The following LY6K variants were observed in gnomAD, a reference collection of about 807,000 sequenced individuals.
LY6K encodes lymphocyte antigen 6K.
LY6K carries 9 observed loss-of-function variants against 10.4 expected under a neutral mutation model. That is an observed-to-expected ratio of 0.87 (90% CI 0.52 to 1.52). The LOEUF is 1.52. LY6K is among the 40% of genes most tolerant of loss of function. The pLI is 0.00. For missense variants in LY6K, 217 were observed against 211.7 expected, an observed-to-expected ratio of 1.02 and a Z score of -0.15; for synonymous variants, 98 against 83.7, an observed-to-expected ratio of 1.17 and a Z score of -0.94.
In LY6K at chr8:142,700,698, C is replaced by T. The variant is rs1054972793; in HGVS notation, c.103+68C>T. 56 of 1,346,672 alleles carry T rather than the reference C, an allele frequency of 4.2e-5. 1 individual carries two copies. The African/African-American group carries it at 6.8e-4, about 16-fold the overall frequency. 83.4% of individuals were successfully genotyped at this position (1,346,672 alleles called of 1,614,324 possible). ...GGGCCGGGCGGCGTCTGCCTGGCACCGCGTGGCCACCGCCCCGACCAGGCC... is the reference window on the plus strand; with the variant it reads ...GGGCCGGGCGGCGTCTGCCTGGCACTGCGTGGCCACCGCCCCGACCAGGCC... On this transcript the variant is annotated intron_variant, in intron 1 of 2. Coordinates refer to ENST00000292430, the MANE Select transcript of LY6K (RefSeq NM_017527.4).
chr8:142,701,819 A>G (rs587719618), intron 2 of LY6K, 106 bp downstream of exon 2: 4 of 678,322 alleles, frequency 5.9e-6, no homozygotes, highest in East Asian at 2.8e-5. Flanking sequence ...AATAGAAAGT[A>G]GCCTTTTTTT....
At position 142,700,472 on chromosome 8, in the gene LY6K, A is replaced by G; in HGVS notation, c.-56A>G. 3 of 1,527,478 alleles carry G rather than the reference A, an allele frequency of 2.0e-6. No homozygotes were observed. Among genetic ancestry groups the G allele is most frequent in the South Asian group, 1.2e-5 (1 of 82,162 alleles). 94.6% of individuals were successfully genotyped at this position (1,527,478 alleles called of 1,614,324 possible). A position where few individuals can be genotyped will look rare whatever the true frequency, so the allele number is the denominator to read the frequency against. On this transcript the variant is annotated 5_prime_UTR_variant, in exon 1 of 3. Coordinates refer to ENST00000292430, the MANE Select transcript of LY6K (RefSeq NM_017527.4). ...GGCGCGCGGAGGCTGCGAAGGTTCC[A>G]GAAGGGCGGGGAGGGGGCGCCGCGC...
In LY6K at chr8:142,700,700, C is replaced by G. The variant is rs1421307893; in HGVS notation, c.103+70C>G. On this transcript the variant is annotated intron_variant, in intron 1 of 2. Transcript: ENST00000292430. The stretch of plus-strand genomic sequence containing the variant: ...GCCGGGCGGCGTCTGCCTGGCACCG[C>G]GTGGCCACCGCCCCGACCAGGCCGT... The G allele has an allele frequency of 7.4e-6, 10 of 1,344,368 alleles. No homozygotes were observed. In the African/African-American group the frequency reaches 1.6e-4, roughly 21 times the overall value. 83.3% of individuals were successfully genotyped at this position (1,344,368 alleles called of 1,614,324 possible). A position where few individuals can be genotyped will look rare whatever the true frequency, so the allele number is the denominator to read the frequency against.
At chr8:142,702,743 G>C in intron 2 of LY6K, 1 of 1,486,674 alleles carries the variant, frequency 6.7e-7, no homozygotes, top group Middle Eastern at 1.8e-4. Flanking sequence ...CACACCCTGG[G>C]TGATGGCCAG....
Position 142,700,355 on chromosome 8 carries a change from T to G in LY6K, c.-173T>G. 1 of 1,326,458 alleles carries G rather than the reference T, an allele frequency of 7.5e-7. No homozygotes were observed. Among genetic ancestry groups the G allele is most frequent in the African/African-American group, 1.5e-5 (1 of 64,612 alleles). 82.2% of individuals were successfully genotyped at this position (1,326,458 alleles called of 1,614,324 possible). ...CGCCAGCGGCCGCGAGGCCCTGAGA[T>G]GAGGCTCCAAAGACCCCGACAGGCC... On this transcript the variant is annotated 5_prime_UTR_variant, in exon 1 of 3. An upstream start codon of the reference 5' UTR is lost. Transcript: ENST00000292430.
rs782709179 is a variant in LY6K at position 142,703,219 on chromosome 8, T to C, written c.346T>C (p.Cys116Arg). 1.2e-5 allele frequency: 20 copies of C among 1,614,098 alleles called. No individual in the cohort carries two copies. In the Admixed American group the frequency reaches 1.7e-4, roughly 13 times the overall value. ...EPMPFFYLKC[C>R]KIRYCNLEGP... ...CATGCCCTTCTTTTACCTCAAGTGTTGTAAAATTCGCTACTGCAATTTAGA... is the reference window on the plus strand; with the variant it reads ...CATGCCCTTCTTTTACCTCAAGTGTCGTAAAATTCGCTACTGCAATTTAGA... Residue 116 changes from cysteine to arginine, a missense_variant, in exon 3 of 3, where the codon TGT (cysteine) becomes CGT (arginine). By Grantham distance (180) the Cys-to-Arg change is radical. Transcript: ENST00000292430.
chr8:142,700,677 C>T (rs587609085), intron 1 of LY6K, 47 bp downstream of exon 1: 4 of 1,399,006 alleles, frequency 2.9e-6, no homozygotes, highest in Admixed American at 3.1e-5. Flanking sequence ...AGGACAGGGC[C>T]GGGCGGCGTC....
chr8:142,701,953 A>C lies in LY6K; in HGVS notation c.217+240A>C. ...GCCTCCAGAGTAGCTGGTATTATGG[A>C]TGCGCGCCACCACACTGGCTAATTT... is the stretch of plus-strand genomic sequence containing the variant. On this transcript the variant is annotated intron_variant, in intron 2 of 2. Coordinates refer to ENST00000292430, the MANE Select transcript of LY6K (RefSeq NM_017527.4). 9.2e-6 allele frequency: 4 copies of C among 434,130 alleles called. No homozygotes were observed. The South Asian group carries it at 1.0e-4, about 11-fold the overall frequency. The allele number at this position is 434,130 out of a possible 1,614,324, so 26.9% of individuals were successfully genotyped here.
Position 142,700,269 on chromosome 8 carries a change from G to T in LY6K, c.-259G>T, listed in dbSNP as rs1432977869. The T allele has an allele frequency of 1.7e-6, 2 of 1,169,152 alleles. No homozygotes were observed. The highest frequency in any genetic ancestry group is 3.2e-5 in the African/African-American group (2 of 61,548). 72.4% of individuals were successfully genotyped at this position (1,169,152 alleles called of 1,614,324 possible). A position where few individuals can be genotyped will look rare whatever the true frequency, so the allele number is the denominator to read the frequency against. ...TCCCAGGGCTCCCGCGCCCGTTCCTGCCTGGCCGCCGGCCGCTCCAACAGC... is the reference window on the plus strand; with the variant it reads ...TCCCAGGGCTCCCGCGCCCGTTCCTTCCTGGCCGCCGGCCGCTCCAACAGC... On this transcript the variant is annotated 5_prime_UTR_variant, in exon 1 of 3. Coordinates refer to ENST00000292430, the MANE Select transcript of LY6K (RefSeq NM_017527.4).
intron 2 of LY6K, chr8:142,702,591 T>C (rs1231358886): frequency 4.6e-6 from 7 of 1,535,522 alleles, no homozygotes; most frequent in African/African-American, 4.1e-5. Flanking sequence ...GCTGAGGTGA[T>C]GCTTCAGACT....
chr8:142,703,486 G>A lies in LY6K; in HGVS notation c.*115G>A. 2 of 1,285,460 alleles carry A rather than the reference G, an allele frequency of 1.6e-6. No homozygotes were observed. Among genetic ancestry groups the A allele is most frequent in the Non-Finnish European group, 2.1e-6 (2 of 952,024 alleles). 79.6% of individuals were successfully genotyped at this position (1,285,460 alleles called of 1,614,324 possible). A position where few individuals can be genotyped will look rare whatever the true frequency, so the allele number is the denominator to read the frequency against. On this transcript the variant is annotated 3_prime_UTR_variant, in exon 3 of 3. Coordinates refer to ENST00000292430, the MANE Select transcript of LY6K (RefSeq NM_017527.4). ...TTACCTCTTGGTTTGACTTCCCAGG[G>A]TCTTGGGATGGGAGAGTGGGGATCA...
intron 2 of LY6K, chr8:142,702,684 A>T: frequency 6.6e-7 from 1 of 1,513,084 alleles, no homozygotes; most frequent in Non-Finnish European, 8.9e-7. Flanking sequence ...TGGTCATGAG[A>T]CAAGACCCCC....
chr8:142,701,674 TGCAAA>T lies in LY6K; in HGVS notation c.179_183del (p.Cys60LeufsTer56). ...TTTCGAGTGCCAGAACCCAAGGAGG[TGCAAA>T]TGGACAGAGCCATACTGCGTTATAG... is the stretch of plus-strand genomic sequence containing the variant. On this transcript the variant is annotated frameshift_variant, in exon 2 of 3. Transcript: ENST00000292430. LOFTEE classifies it low-confidence loss of function (END_TRUNC). 6.2e-7 allele frequency: 1 copy of T among 1,613,938 alleles called. No individual in the cohort carries two copies. The highest frequency in any genetic ancestry group is 8.5e-7 in the Non-Finnish European group (1 of 1,179,916).
Position 142,703,624 on chromosome 8 carries a change from T to C in LY6K, c.*253T>C. 3.9e-6 allele frequency: 2 copies of C among 509,464 alleles called. No individual in the cohort carries two copies. Among genetic ancestry groups the C allele is most frequent in the Non-Finnish European group, 3.5e-6 (1 of 287,626 alleles). The allele number at this position is 509,464 out of a possible 1,614,324, so 31.6% of individuals were successfully genotyped here. ...TTTTTCTCTTTGAAATCAAACCTTG[T>C]AACTCATTTATTGCTGATGGCCACT... is the stretch of plus-strand genomic sequence containing the variant. On this transcript the variant is annotated 3_prime_UTR_variant, in exon 3 of 3. Transcript: ENST00000292430.
chr8:142,703,435 G>T lies in LY6K; in HGVS notation c.*64G>T. On this transcript the variant is annotated 3_prime_UTR_variant, in exon 3 of 3. Coordinates refer to ENST00000292430, the MANE Select transcript of LY6K (RefSeq NM_017527.4). ...GACTCGCTCCAGACCGTTGTCACCT[G>T]TTGCATTAAACTTGTTTTCTGTTGA... The T allele has an allele frequency of 6.5e-7, 1 of 1,534,394 alleles. No individual in the cohort carries two copies. The highest frequency in any genetic ancestry group is 8.7e-7 in the Non-Finnish European group (1 of 1,144,988).
rs587717560 is a variant in LY6K at position 142,704,547 on chromosome 8, C to T, written c.*1176C>T. The T allele has an allele frequency of 6.6e-6, 1 of 152,282 alleles. No individual in the cohort carries two copies. The highest frequency in any genetic ancestry group is 2.4e-5 in the African/African-American group (1 of 41,526). The allele number at this position is 152,282 out of a possible 1,614,324, so 9.4% of individuals were successfully genotyped here. On this transcript the variant is annotated 3_prime_UTR_variant, in exon 3 of 3. Coordinates refer to ENST00000292430, the MANE Select transcript of LY6K (RefSeq NM_017527.4). ...GGGTGACGATTTCCTGGGTGTTTTC[C>T]TGCTAAATCGTTGGCTGACTTTCTC...
intron 1 of LY6K, among the ~76,000 whole-genome samples, chr8:142,701,155 G>A (rs916505853): frequency 6.6e-6 from 1 of 151,928 alleles, no homozygotes; most frequent in African/African-American, 2.4e-5. Flanking sequence ...CCGACCTGGG[G>A]TCAGGGTGCT....
intron 2 of LY6K, chr8:142,702,441 C>A (rs1587563043): frequency 6.6e-7 from 1 of 1,511,656 alleles, no homozygotes; most frequent in East Asian, 2.5e-5. Flanking sequence ...CTGAAAACCT[C>A]TGGGTACATG....
Position 142,700,652 on chromosome 8 carries a change from C to A in LY6K, c.103+22C>A, listed in dbSNP as rs587728117. ...ACGGGTGAGCCTGGCTCGCCCTCCA[C>A]AGCCACGGGCCGAGAGGACAGGGCC... On this transcript the variant is annotated intron_variant, in intron 1 of 2. Coordinates refer to ENST00000292430, the MANE Select transcript of LY6K (RefSeq NM_017527.4). The A allele has an allele frequency of 4.0e-6, 6 of 1,483,292 alleles. No homozygotes were observed. The South Asian group carries it at 6.6e-5, about 16-fold the overall frequency. The allele number at this position is 1,483,292 out of a possible 1,614,324, so 91.9% of individuals were successfully genotyped here. A position where few individuals can be genotyped will look rare whatever the true frequency, so the allele number is the denominator to read the frequency against.
Sources: gnomAD v4.1 joint callset for allele counts (sites outside exome capture counted in the v4.1 genomes callset) on GRCh38, gnomAD v4.1.1 for gene constraint, MANE v1.5 for transcripts, NCBI Gene and HGNC (gene_info 2026-07-23, HGNC 2026-07-21) for gene names.